The following ZFP41 variants were observed in gnomAD, a reference collection of about 807,000 sequenced individuals.
ZFP41 encodes zinc finger protein 41 homolog.
ZFP41 carries 10 observed loss-of-function variants against 11.6 expected under a neutral mutation model. That is an observed-to-expected ratio of 0.86 (90% CI 0.53 to 1.47). The LOEUF (loss-of-function observed/expected upper bound fraction) is 1.47. ZFP41 is among the 40% of genes most tolerant of loss of function. The probability of loss-of-function intolerance (pLI) is 0.00; values close to 1 mark genes in which losing one functional copy is unlikely to be tolerated. For missense variants in ZFP41, 302 were observed against 264.6 expected (o/e 1.14, Z -0.98); for synonymous variants, 123 against 100.9 (o/e 1.22, Z -1.31).
Position 143,250,182 on chromosome 8 carries a change from G to T in ZFP41, c.339G>T (p.Lys113Asn). The T allele has an allele frequency of 6.2e-7, 1 of 1,614,100 alleles. No homozygotes were observed. The change falls in exon 2 of 3, where the codon AAG (lysine) becomes AAT (asparagine). Residue 113 changes from lysine to asparagine, a missense_variant. Lys to Asn is a moderately conservative substitution (Grantham distance 94). Coordinates refer to ENST00000330701, the MANE Select transcript of ZFP41 (RefSeq NM_173832.6). ...ATCAGAGGGTCCACACTGGAGAGAA[G>T]CCCTTCAAGTGTGCGCAGTGCGGGA... Reference protein sequence around the residue: ...IRHQRVHTGEKPFKCAQCGKA... With the variant: ...IRHQRVHTGENPFKCAQCGKA...
At position 143,250,380 on chromosome 8, in the gene ZFP41, C is replaced by T. The variant is rs1816780815; in HGVS notation, c.537C>T (p.Ala179=). ...KPYECTHCGK[A]FAYSSCLIRH... Reference sequence around the variant, plus strand: ...ACGAATGCACGCACTGTGGGAAAGCCTTTGCCTACAGCTCCTGTCTCATCC... The same window carrying T: ...ACGAATGCACGCACTGTGGGAAAGCTTTTGCCTACAGCTCCTGTCTCATCC... Residue 179 remains alanine (A), a synonymous_variant, in exon 2 of 3, where the codon GCC becomes GCT. Transcript: ENST00000330701. The T allele has an allele frequency of 1.2e-5, 19 of 1,613,880 alleles. No homozygotes were observed. The highest frequency in any genetic ancestry group is 1.4e-5 in the Non-Finnish European group (17 of 1,180,036).
At chr8:143,248,051 C>G (rs1490279405) in intron 1 of ZFP41, 1 of 152,222 alleles carries the variant, frequency 6.6e-6, no homozygotes, top group African/African-American at 2.4e-5. Flanking sequence ...ATCTCCTGAC[C>G]TCGTGATCCG....
chr8:143,254,979 C>A (rs1023315793), intron 2 of ZFP41, among the ~76,000 whole-genome samples: 6 of 152,150 alleles, frequency 3.9e-5, no homozygotes, highest in East Asian at 1.9e-4. Flanking sequence ...CAATAAATAT[C>A]TTTTCCATAT....
At chr8:143,254,581 T>C (rs1191464255) in intron 2 of ZFP41, among the ~76,000 whole-genome samples, 1 of 151,730 alleles carries the variant, frequency 6.6e-6, no homozygotes, top group Admixed American at 6.6e-5. Context: ...ATTTTACTTA[T>C]GATAGTATGA....
intron 1 of ZFP41, chr8:143,248,532 G>C (rs1262875495): frequency 6.6e-6 from 1 of 152,342 alleles, no homozygotes; most frequent in Non-Finnish European, 1.5e-5. Flanking sequence ...GAGAGCTGCC[G>C]TTTCTCCAGC....
intron 2 of ZFP41, among the ~76,000 whole-genome samples, chr8:143,251,974 TC>T (rs1408792946): frequency 6.6e-6 from 1 of 152,192 alleles, no homozygotes; most frequent in Non-Finnish European, 1.5e-5. Context: ...AGGAGCCTGT[TC>T]CATGGCAGGG....
chr8:143,250,258 G>C lies in ZFP41; in HGVS notation c.415G>C (p.Gly139Arg). The change falls in exon 2 of 3, where the codon GGA becomes CGA. Residue 139 changes from glycine (G) to arginine (R), a missense_variant. By Grantham distance (125) the Gly-to-Arg change is moderately radical (BLOSUM62 -2). Coordinates refer to ENST00000330701, the MANE Select transcript of ZFP41 (RefSeq NM_173832.6). ...DVTKHQRTHT[G>R]EKPFKCGECG... ...CACCAAACACCAGAGGACTCACACGGGAGAGAAGCCCTTCAAATGCGGGGA... is the reference window on the plus strand; with the variant it reads ...CACCAAACACCAGAGGACTCACACGCGAGAGAAGCCCTTCAAATGCGGGGA... 6.2e-7 allele frequency: 1 copy of C among 1,614,106 alleles called. No homozygotes were observed. Among genetic ancestry groups the C allele is most frequent in the Non-Finnish European group, 8.5e-7 (1 of 1,180,044 alleles).
At chr8:143,255,016 G>C in intron 2 of ZFP41, among the ~76,000 whole-genome samples, 1 of 152,126 alleles carries the variant, frequency 6.6e-6, no homozygotes. Context: ...GGATTCCCAG[G>C]TGTGGATTGA....
chr8:143,252,006 G>C (rs960047118), intron 2 of ZFP41, among the ~76,000 whole-genome samples: 1 of 152,216 alleles, frequency 6.6e-6, no homozygotes, highest in African/African-American at 2.4e-5. Flanking sequence ...GCTGCCACTT[G>C]TAGTATCGTG....
At chr8:143,252,738 C>T (rs1814804026) in intron 2 of ZFP41, 5 of 650,762 alleles carry the variant, frequency 7.7e-6, no homozygotes, top group Non-Finnish European at 9.5e-6. Flanking sequence ...CCAGTCTTCC[C>T]GTGGGGCTCC....
At chr8:143,251,813 T>C (rs1056042603) in intron 2 of ZFP41, among the ~76,000 whole-genome samples, 1 of 152,232 alleles carries the variant, frequency 6.6e-6, no homozygotes, top group Non-Finnish European at 1.5e-5. Flanking sequence ...GCTTGGCCAC[T>C]GTGGGGTCAC....
In ZFP41 at chr8:143,260,867, G is replaced by T. The variant is rs1424255641; in HGVS notation, c.*1993G>T. On this transcript the variant is annotated 3_prime_UTR_variant, in exon 3 of 3. Coordinates refer to ENST00000330701, the MANE Select transcript of ZFP41 (RefSeq NM_173832.6). ...CGAGCTCTGTAGGCCTCAGAGTGCA[G>T]AGAACCTCAAATGTTGTGACTTTGC... is the stretch of plus-strand genomic sequence containing the variant. 1 of 166,430 alleles carries T rather than the reference G, an allele frequency of 6.0e-6. No homozygotes were observed. The highest frequency in any genetic ancestry group is 2.4e-5 in the African/African-American group (1 of 41,552). 10.3% of individuals were successfully genotyped at this position (166,430 alleles called of 1,614,324 possible). A position where few individuals can be genotyped will look rare whatever the true frequency, so the allele number is the denominator to read the frequency against.
chr8:143,261,927 GCCCGT>G lies in ZFP41; in HGVS notation c.*3055_*3059del, dbSNP rs1815052274. On this transcript the variant is annotated 3_prime_UTR_variant, in exon 3 of 3. Transcript: ENST00000330701. ...GCCCGTCTCCGGCAGCACCTGCCAC[GCCCGT>G]CTCCGGCAGCACCTGCCACGCCCGT... The G allele has an allele frequency of 2.7e-5, 2 of 72,950 alleles. No homozygotes were observed. Among genetic ancestry groups the G allele is most frequent in the Non-Finnish European group, 5.2e-5 (2 of 38,718 alleles). The allele number at this position is 72,950 out of a possible 1,614,324, so 4.5% of individuals were successfully genotyped here.
chr8:143,252,300 C>T lies in ZFP41; in HGVS notation c.*900+960C>T, dbSNP rs377491624. On this transcript the variant is annotated intron_variant, in intron 2 of 2. Coordinates refer to ENST00000330701, the MANE Select transcript of ZFP41 (RefSeq NM_173832.6). Reference sequence around the variant, plus strand: ...AGATGGCTGTAGGGCTCTCTGAGGTCGGGTGACACTCAGTGCCTGGGCTGG... The same window carrying T: ...AGATGGCTGTAGGGCTCTCTGAGGTTGGGTGACACTCAGTGCCTGGGCTGG... 6.6e-5 allele frequency among the ~76,000 whole-genome samples: 10 copies of T among 152,332 alleles called. No individual in the cohort carries two copies. In the East Asian group the frequency reaches 7.7e-4, roughly 12 times the overall value.
chr8:143,255,309 G>T (rs1563728521), intron 2 of ZFP41, among the ~76,000 whole-genome samples: 1 of 152,242 alleles, frequency 6.6e-6, no homozygotes, highest in African/African-American at 2.4e-5. Context: ...TAACCCCACA[G>T]GGTTGCCAAG....
chr8:143,250,422 C>A lies in ZFP41; in HGVS notation c.579C>A (p.His193Gln). ...GTCTCATCCGCCATCAGAAACGCCA[C>A]CCTCGGAAGAAGCCCTGAGCCGGGG... is the stretch of plus-strand genomic sequence containing the variant. Reference protein sequence around the residue: ...SSCLIRHQKRHPRKKP With the variant: ...SSCLIRHQKRQPRKKP Residue 193 changes from histidine to glutamine, a missense_variant, in exon 2 of 3, where the codon CAC becomes CAA. Physicochemically the swap from His to Gln is conservative, Grantham distance 24 (BLOSUM62 0). Transcript: ENST00000330701. The A allele has an allele frequency of 6.2e-7, 1 of 1,611,102 alleles. No individual in the cohort carries two copies. Among genetic ancestry groups the A allele is most frequent in the Non-Finnish European group, 8.5e-7 (1 of 1,178,132 alleles).
intron 2 of ZFP41, among the ~76,000 whole-genome samples, chr8:143,256,415 G>T (rs1392467176): frequency 6.6e-6 from 1 of 151,668 alleles, no homozygotes; most frequent in Non-Finnish European, 1.5e-5. Context: ...CTCGCCCCGC[G>T]TGCTGGTGTT....
rs547904980 is a variant in ZFP41, at chr8:143,252,631, G to A, written c.*900+1291G>A. The A allele has an allele frequency of 2.2e-5, 22 of 985,148 alleles. No homozygotes were observed. The East Asian group carries it at 1.6e-3, about 71-fold the overall frequency. 61.0% of individuals were successfully genotyped at this position (985,148 alleles called of 1,614,324 possible). A position where few individuals can be genotyped will look rare whatever the true frequency, so the allele number is the denominator to read the frequency against. Reference sequence around the variant, plus strand: ...CCTTCGTGGCTTCTCAATGGCCCGTGGTCCCAATGGGGGTAGGTAGGTGGC... The same window carrying A: ...CCTTCGTGGCTTCTCAATGGCCCGTAGTCCCAATGGGGGTAGGTAGGTGGC... On this transcript the variant is annotated intron_variant, in intron 2 of 2. Coordinates refer to ENST00000330701, the MANE Select transcript of ZFP41 (RefSeq NM_173832.6).
chr8:143,249,876 G>A lies in ZFP41; in HGVS notation c.33G>A (p.Thr11=), dbSNP rs144557681. The A allele has an allele frequency of 8.9e-3, 14,351 of 1,604,394 alleles. 95 individuals are homozygous for A. Among genetic ancestry groups the A allele is most frequent in the Non-Finnish European group, 0.011 (12,524 of 1,176,896 alleles). ...AGCCTGCAGGCAGAAAAAAGAAGAC[G>A]CCGACCCCAAGGGAGGAGGCAGACG... MEKPAGRKKK[T]PTPREEADVQ... is the part of the protein sequence containing the mutation. Residue 11 remains threonine (T), a synonymous_variant, in exon 2 of 3, where the codon ACG becomes ACA. Coordinates refer to ENST00000330701, the MANE Select transcript of ZFP41 (RefSeq NM_173832.6).
Sources: gnomAD v4.1 joint callset for allele counts (sites outside exome capture counted in the v4.1 genomes callset) on GRCh38, gnomAD v4.1.1 for gene constraint, MANE v1.5 for transcripts, NCBI Gene and HGNC (gene_info 2026-07-23, HGNC 2026-07-21) for gene names.